Variants in AGMO observed in about 807,000 individuals in gnomAD.
AGMO encodes the protein alkylglycerol monooxygenase, also known as glyceryl-ether monooxygenase.
AGMO carries 75 observed loss-of-function variants against 60.2 expected under a neutral mutation model. That is an observed-to-expected ratio of 1.25 (90% CI 1.03 to 1.51). The LOEUF is 1.51. Ranked by LOEUF, AGMO falls within the 40% of genes most tolerant of loss-of-function variation. AGMO has a pLI of 0.00. For synonymous variants in AGMO, 261 were observed against 177.1 expected, an observed-to-expected ratio of 1.47 and a Z score of -3.76; for missense variants, 763 against 525.5, an observed-to-expected ratio of 1.45 and a Z score of -4.42.
the AGMO span, among the ~76,000 whole-genome samples, chr7:15,174,231 C>G: frequency 6.6e-6 from 1 of 151,962 alleles, no homozygotes; most frequent in Admixed American, 6.6e-5. Context: ...GAAACATGCA[C>G]TGTACCTTTT....
At chr7:15,268,331 C>T (rs1407625874) in intron 12 of AGMO, among the ~76,000 whole-genome samples, 1 of 151,950 alleles carries the variant, frequency 6.6e-6, no homozygotes, top group African/African-American at 2.4e-5. Context: ...CAAAATCAAA[C>T]TTTACTTAAT....
chr7:15,440,493 G>T (rs892081382), intron 3 of AGMO, among the ~76,000 whole-genome samples: 17 of 151,752 alleles, frequency 1.1e-4, no homozygotes, highest in Non-Finnish European at 8.8e-5. Flanking sequence ...GTGTGTATTG[G>T]GCAACTCTGT....
intron 12 of AGMO, among the ~76,000 whole-genome samples, chr7:15,350,580 C>G (rs952566041): frequency 6.6e-6 from 1 of 152,124 alleles, no homozygotes; most frequent in African/African-American, 2.4e-5. Context: ...GAGTAGATTT[C>G]TGTTTTCTCC....
At chr7:15,478,434 T>G (rs994093410) in intron 3 of AGMO, among the ~76,000 whole-genome samples, 2 of 152,148 alleles carry the variant, frequency 1.3e-5, no homozygotes, top group Non-Finnish European at 2.9e-5. Flanking sequence ...TTTAACTGCT[T>G]TATCCTTTCC....
At chr7:15,376,951 A>G (rs189474000) in intron 10 of AGMO, among the ~76,000 whole-genome samples, 2 of 152,066 alleles carry the variant, frequency 1.3e-5, no homozygotes, top group East Asian at 1.9e-4. Flanking sequence ...CTTGACTCCC[A>G]AAGTTATTTA....
At chr7:15,433,186 A>C (rs1781304010) in intron 3 of AGMO, among the ~76,000 whole-genome samples, 1 of 152,130 alleles carries the variant, frequency 6.6e-6, no homozygotes, top group African/African-American at 2.4e-5. Flanking sequence ...TAATCAGATG[A>C]GGTTCCATTA....
intron 3 of AGMO, among the ~76,000 whole-genome samples, chr7:15,463,442 A>G (rs1051473975): frequency 6.6e-6 from 1 of 152,208 alleles, no homozygotes; most frequent in Non-Finnish European, 1.5e-5. Flanking sequence ...ACACTCACCC[A>G]AACTGGCGAC....
chr7:15,439,258 G>A (rs547142145), intron 3 of AGMO, among the ~76,000 whole-genome samples: 48 of 152,174 alleles, frequency 3.2e-4, no homozygotes, highest in African/African-American at 9.4e-4. Flanking sequence ...TTAGCAGGGC[G>A]TGGTGGTGCA....
intron 10 of AGMO, among the ~76,000 whole-genome samples, chr7:15,367,418 C>G (rs963764016): frequency 5.3e-5 from 8 of 151,812 alleles, no homozygotes; most frequent in Non-Finnish European, 7.4e-5. Context: ...GTTACATTCC[C>G]AATAACTTGG....
chr7:15,284,946 T>C (rs1438900507), intron 12 of AGMO, among the ~76,000 whole-genome samples: 1 of 152,022 alleles, frequency 6.6e-6, no homozygotes, highest in African/African-American at 2.4e-5. Context: ...AAAAATGTGA[T>C]AAATCACATA....
intron 4 of AGMO, among the ~76,000 whole-genome samples, chr7:15,430,599 T>C (rs1781202040): frequency 7.2e-6 from 1 of 139,498 alleles, no homozygotes; most frequent in African/African-American, 2.7e-5. Flanking sequence ...TTAGTTGTTT[T>C]TTTTAAAAAA....
At chr7:15,483,260 AT>A (rs1782809419) in intron 3 of AGMO, among the ~76,000 whole-genome samples, 1 of 152,198 alleles carries the variant, frequency 6.6e-6, no homozygotes, top group African/African-American at 2.4e-5. Context: ...TAGAAGTGAT[AT>A]TTTTAAATGG....
intron 12 of AGMO, among the ~76,000 whole-genome samples, chr7:15,210,352 T>C (rs1390505788): frequency 6.6e-6 from 1 of 152,148 alleles, no homozygotes; most frequent in South Asian, 2.1e-4. Flanking sequence ...ATCAATGAAA[T>C]AGTACATAAG....
intron 12 of AGMO, among the ~76,000 whole-genome samples, chr7:15,229,683 C>T (rs1162218545): frequency 2.0e-5 from 3 of 146,416 alleles, no homozygotes; most frequent in Admixed American, 1.4e-4. Context: ...GAAGTATACA[C>T]ATATATATAA....
intron 3 of AGMO, among the ~76,000 whole-genome samples, chr7:15,442,493 T>C (rs1781584583): frequency 6.6e-6 from 1 of 152,160 alleles, no homozygotes; most frequent in South Asian, 2.1e-4. Context: ...TAACCTCATG[T>C]CATACCCTTA....
At chr7:15,330,599 C>A (rs1217722985) in intron 12 of AGMO, among the ~76,000 whole-genome samples, 2 of 152,110 alleles carry the variant, frequency 1.3e-5, no homozygotes, top group African/African-American at 4.8e-5. Context: ...ATTTGAGTAT[C>A]TACAGAAGCC....
chr7:15,449,856 T>C (rs73288468), intron 3 of AGMO, among the ~76,000 whole-genome samples: 27,102 of 152,144 alleles, frequency 0.18, 2,873 homozygotes, highest in African/African-American at 0.28. Flanking sequence ...TATGAACAAC[T>C]TAATAATGTC....
intron 3 of AGMO, 22 bp downstream of exon 3, chr7:15,544,750 A>G: frequency 6.5e-7 from 1 of 1,547,160 alleles, no homozygotes; most frequent in South Asian, 1.3e-5. Context: ...AAGTTAACAA[A>G]AAGTCCTCAT....
At chr7:15,370,821 T>C (rs775221121) in intron 10 of AGMO, among the ~76,000 whole-genome samples, 57 of 152,210 alleles carry the variant, frequency 3.7e-4, no homozygotes, top group Non-Finnish European at 7.6e-4. Flanking sequence ...GGCAAATATT[T>C]TCTCCCATTC....
Sources: gnomAD v4.1 joint callset for allele counts (sites outside exome capture counted in the v4.1 genomes callset) on GRCh38, gnomAD v4.1.1 for gene constraint, MANE v1.5 for transcripts, NCBI Gene and HGNC (gene_info 2026-07-23, HGNC 2026-07-21) for gene names.